Variants in PARD3B observed in about 807,000 individuals in gnomAD.
PARD3B encodes partitioning defective 3 homolog B.
In PARD3B, 103 loss-of-function variants were observed where a neutral mutation model predicts 130.2. The observed-to-expected ratio is 0.79, with a 90% CI of 0.67 to 0.93. The LOEUF is 0.93. Among genes scored for constraint, PARD3B ranks in the 40% least tolerant of loss-of-function variants. The pLI is 0.00. For missense variants in PARD3B, 1,609 were observed against 1,499.2 expected (o/e 1.07, Z -1.21); for synonymous variants, 583 against 553.2 (o/e 1.05, Z -0.76).
chr2:205,483,680 C>CT (rs1186911337), intron 20 of PARD3B, among the ~76,000 whole-genome samples: 4 of 152,020 alleles, frequency 2.6e-5, no homozygotes, highest in East Asian at 3.9e-4. Context: ...AAATGATTCC[C>CT]TTTTTTTCAA....
At chr2:205,037,134 GCGGAC>G (rs1698013222) in intron 3 of PARD3B, among the ~76,000 whole-genome samples, 1 of 145,994 alleles carries the variant, frequency 6.8e-6, no homozygotes, top group Non-Finnish European at 1.5e-5. Flanking sequence ...TACATATATA[GCGGAC>G]TGTATATATA....
chr2:205,239,081 T>A (rs962615673), intron 15 of PARD3B, among the ~76,000 whole-genome samples: 2 of 151,670 alleles, frequency 1.3e-5, no homozygotes, highest in Non-Finnish European at 2.9e-5. Flanking sequence ...TGTCTCATCC[T>A]ATGAGGCCTT....
At chr2:205,154,855 T>C (rs544085532) in intron 10 of PARD3B, among the ~76,000 whole-genome samples, 13 of 151,998 alleles carry the variant, frequency 8.6e-5, no homozygotes, top group Non-Finnish European at 1.5e-4. Flanking sequence ...ATGAGAACAG[T>C]TGGACACAGG....
Position 205,415,803 on chromosome 2 carries a change from A to G in PARD3B, c.2741+14680A>G, listed in dbSNP as rs1470069654. On this transcript the variant is annotated intron_variant, in intron 19 of 22. Coordinates refer to ENST00000406610, the MANE Select transcript of PARD3B (RefSeq NM_001302769.2). ...AACATGGGAATTTAAGTTCTCAAAG[A>G]TATACTGAAAGATTTTGCCTCTGAG... is the stretch of plus-strand genomic sequence containing the variant. Among the ~76,000 whole-genome samples the G allele has an allele frequency of 3.3e-5, 5 of 152,160 alleles. No individual in the cohort carries two copies. The East Asian group carries it at 7.7e-4, about 23-fold the overall frequency.
intron 1 of PARD3B, 49 bp downstream of exon 1, chr2:204,546,168 C>T: frequency 6.5e-7 from 1 of 1,547,176 alleles, no homozygotes; most frequent in Non-Finnish European, 8.7e-7. Flanking sequence ...AAGGCACCTG[C>T]CAGGTGCGAC....
At chr2:204,836,623 T>A (rs777738231) in intron 2 of PARD3B, among the ~76,000 whole-genome samples, 15 of 152,168 alleles carry the variant, frequency 9.9e-5, no homozygotes, top group Admixed American at 2.0e-4. Context: ...ATCGTGCCAC[T>A]GCACTCCAGC....
At chr2:205,214,009 G>T (rs2037782936) in intron 15 of PARD3B, among the ~76,000 whole-genome samples, 1 of 151,976 alleles carries the variant, frequency 6.6e-6, no homozygotes, top group Non-Finnish European at 1.5e-5. Flanking sequence ...AATTGTTTGT[G>T]GCCCCTCCTA....
chr2:205,102,339 G>A (rs1702842167), intron 4 of PARD3B, among the ~76,000 whole-genome samples: 1 of 151,862 alleles, frequency 6.6e-6, no homozygotes, highest in African/African-American at 2.4e-5. Context: ...AAACAGATAA[G>A]AAAGTTAATG....
At chr2:205,453,024 C>T (rs1007816161) in intron 20 of PARD3B, among the ~76,000 whole-genome samples, 5 of 152,134 alleles carry the variant, frequency 3.3e-5, no homozygotes, top group Admixed American at 6.6e-5. Flanking sequence ...ATTCTGTTTA[C>T]TAAGAAGAGG....
intron 4 of PARD3B, among the ~76,000 whole-genome samples, chr2:205,067,925 T>C (rs1207822247): frequency 6.6e-6 from 1 of 152,228 alleles, no homozygotes; most frequent in Non-Finnish European, 1.5e-5. Context: ...AATATTTCAC[T>C]TGTGACATTA....
chr2:204,814,019 G>C (rs2043056833), intron 2 of PARD3B, among the ~76,000 whole-genome samples: 1 of 151,930 alleles, frequency 6.6e-6, no homozygotes, highest in African/African-American at 2.4e-5. Flanking sequence ...GAATTTGAAG[G>C]GATTATGTTC....
rs111950474 is a variant in PARD3B at position 204,623,535 on chromosome 2, C to T, written c.121-62646C>T. Among the ~76,000 whole-genome samples the T allele has an allele frequency of 0.013, 2,047 of 152,168 alleles. 43 individuals are homozygous for T. Among genetic ancestry groups the T allele is most frequent in the African/African-American group, 0.044 (1,839 of 41,526 alleles). ...AGTGTGTTGTGTAACTGAAATTATG[C>T]AGTCCATGACCTTTTGAGAATGACT... On this transcript the variant is annotated intron_variant, in intron 1 of 22. Coordinates refer to ENST00000406610, the MANE Select transcript of PARD3B (RefSeq NM_001302769.2). The surrounding 1 kb of genome is among the most constrained non-coding windows in gnomAD (Gnocchi z 4.5).
rs747500423 is a variant in PARD3B at position 205,217,844 on chromosome 2, A to ATG, written c.2140+24548_2140+24549dup. ...TATGTGTGTGTATATATGTGTGTAT[A>ATG]TGTGTGTGTGTGTGTGTGTGTGTGT... is the stretch of plus-strand genomic sequence containing the variant. On this transcript the variant is annotated intron_variant, in intron 15 of 22. Coordinates refer to ENST00000406610, the MANE Select transcript of PARD3B (RefSeq NM_001302769.2). 5.0e-3 allele frequency among the ~76,000 whole-genome samples: 446 copies of ATG among 88,650 alleles called. 2 individuals carry two copies. The highest frequency in any genetic ancestry group is 0.011 in the Middle Eastern group (2 of 174). The allele number at this position is 88,650 out of a possible 152,430, so 58.2% of individuals were successfully genotyped here. A position where few individuals can be genotyped will look rare whatever the true frequency, so the allele number is the denominator to read the frequency against.
chr2:205,527,505 A>T (rs2051390898), intron 21 of PARD3B, among the ~76,000 whole-genome samples: 1 of 152,146 alleles, frequency 6.6e-6, no homozygotes, highest in South Asian at 2.1e-4. Context: ...GCTACAGCAT[A>T]CTAAGTAGTC....
intron 2 of PARD3B, among the ~76,000 whole-genome samples, chr2:204,748,078 GA>G (rs1479685666): frequency 6.6e-6 from 1 of 151,998 alleles, no homozygotes; most frequent in Non-Finnish European, 1.5e-5. Flanking sequence ...ATATTTTATT[GA>G]GTTCTTACTG....
chr2:205,273,699 G>T (rs2040830542), intron 16 of PARD3B, among the ~76,000 whole-genome samples: 1 of 152,184 alleles, frequency 6.6e-6, no homozygotes, highest in African/African-American at 2.4e-5. Flanking sequence ...CACTCTATTT[G>T]TTTATTTCAT....
rs1369676098 is a variant in PARD3B, at chr2:205,263,703, A to G, written c.2185+17881A>G. Among the ~76,000 whole-genome samples, 1 of 151,076 alleles carries G rather than the reference A, an allele frequency of 6.6e-6. No individual in the cohort carries two copies. The highest frequency in any genetic ancestry group is 2.4e-5 in the African/African-American group (1 of 41,106). On this transcript the variant is annotated intron_variant, in intron 16 of 22. Coordinates refer to ENST00000406610, the MANE Select transcript of PARD3B (RefSeq NM_001302769.2). This position sits in a 1 kb window ranked among gnomAD's most constrained non-coding sequence, Gnocchi z 4.0. ...GCACTAAAACCAGGAAGTACAAAAA[A>G]ATCAACAAATTAGATCTTCTGAAAA...
chr2:205,080,303 C>G (rs2125509425), intron 4 of PARD3B, among the ~76,000 whole-genome samples: 1 of 152,146 alleles, frequency 6.6e-6, no homozygotes, highest in South Asian at 2.1e-4. Context: ...TAGGTTACCT[C>G]CTATCTCCCT....
At chr2:204,812,222 A>G (rs1022912262) in intron 2 of PARD3B, among the ~76,000 whole-genome samples, 3 of 152,130 alleles carry the variant, frequency 2.0e-5, no homozygotes, top group African/African-American at 7.2e-5. Context: ...TTTCTAATCC[A>G]TATTTATTGT....
Sources: gnomAD v4.1 joint callset for allele counts (sites outside exome capture counted in the v4.1 genomes callset) on GRCh38, gnomAD v4.1.1 for gene constraint, Gnocchi (gnomAD v3.1) non-coding constraint, MANE v1.5 for transcripts, NCBI Gene and HGNC (gene_info 2026-07-23, HGNC 2026-07-21) for gene names.